The following CCDC85A variants were observed in gnomAD, a reference collection of about 807,000 sequenced individuals.
CCDC85A encodes the protein coiled-coil domain containing 85A, also known as coiled-coil domain-containing protein 85A.
Under a neutral mutation model 50.2 loss-of-function variants are expected in CCDC85A, and 38 were observed. The ratio of observed to expected loss-of-function variants is 0.76; its 90% CI spans 0.58 to 0.99. The LOEUF (loss-of-function observed/expected upper bound fraction) is 0.99. Ranked by LOEUF, CCDC85A falls within the 50% of genes least tolerant of loss-of-function variation. The pLI, the probability that CCDC85A is intolerant of heterozygous loss-of-function variation, is 0.00. For missense variants in CCDC85A, 820 were observed against 742.0 expected (o/e 1.11, Z -1.22); for synonymous variants, 366 against 301.4 (o/e 1.21, Z -2.22).
intron 1 of CCDC85A, among the ~76,000 whole-genome samples, chr2:56,187,202 T>C (rs1270740722): frequency 6.6e-6 from 1 of 152,012 alleles, no homozygotes; most frequent in Admixed American, 6.5e-5. Flanking sequence ...TTTTTTTTTG[T>C]TAAGGGCGTG....
chr2:56,292,381 C>A (rs1004802311), intron 2 of CCDC85A, among the ~76,000 whole-genome samples: 2 of 152,174 alleles, frequency 1.3e-5, no homozygotes, highest in Admixed American at 6.5e-5. Flanking sequence ...CCACATCCGG[C>A]CTGAGTTGCA....
intron 2 of CCDC85A, among the ~76,000 whole-genome samples, chr2:56,279,421 C>T (rs1339245730): frequency 6.6e-6 from 1 of 152,072 alleles, no homozygotes; most frequent in Non-Finnish European, 1.5e-5. Flanking sequence ...CCTTATTTCT[C>T]CCCCTCCCAC....
chr2:56,365,279 T>G (rs1184244969), intron 3 of CCDC85A, among the ~76,000 whole-genome samples: 1 of 152,216 alleles, frequency 6.6e-6, no homozygotes, highest in Non-Finnish European at 1.5e-5. Context: ...ATTACTTTCA[T>G]TTGTTTATTA....
chr2:56,217,889 T>A (rs1282543056), intron 2 of CCDC85A, among the ~76,000 whole-genome samples: 2 of 151,862 alleles, frequency 1.3e-5, no homozygotes, highest in African/African-American at 4.8e-5. Context: ...TATCTCTTTC[T>A]TAATTAGGTT....
At chr2:56,282,976 A>G (rs1671272850) in intron 2 of CCDC85A, among the ~76,000 whole-genome samples, 1 of 152,212 alleles carries the variant, frequency 6.6e-6, no homozygotes, top group Non-Finnish European at 1.5e-5. Flanking sequence ...GTATATAGAA[A>G]TACACAGTTG....
At chr2:56,292,088 G>GT (rs1322972691) in intron 2 of CCDC85A, among the ~76,000 whole-genome samples, 4 of 152,076 alleles carry the variant, frequency 2.6e-5, no homozygotes, top group African/African-American at 7.2e-5. Context: ...TTTTCTTTTC[G>GT]TTTTTTCTTT....
intron 1 of CCDC85A, among the ~76,000 whole-genome samples, chr2:56,191,662 G>A (rs1573001137): frequency 6.6e-6 from 1 of 152,196 alleles, no homozygotes. Flanking sequence ...CAGAAAGAGG[G>A]GGCATTTGCT....
chr2:56,316,274 A>G (rs945451747), intron 2 of CCDC85A, among the ~76,000 whole-genome samples: 1 of 152,130 alleles, frequency 6.6e-6, no homozygotes, highest in African/African-American at 2.4e-5. Flanking sequence ...CAGTTGGCTT[A>G]TATAATTCTC....
chr2:56,375,740 A>G, intron 4 of CCDC85A, 76 bp from the exon 5 acceptor site: 1 of 1,467,228 alleles, frequency 6.8e-7, no homozygotes. Context: ...TGGTAGTGAA[A>G]TTGAATATTG....
At chr2:56,314,344 A>G (rs768198936) in intron 2 of CCDC85A, among the ~76,000 whole-genome samples, 32 of 151,846 alleles carry the variant, frequency 2.1e-4, no homozygotes, top group Non-Finnish European at 4.1e-4. Flanking sequence ...TAAGCCTGCA[A>G]TCTTTAGGAA....
chr2:56,262,576 C>CAGTG (rs1670265399), intron 2 of CCDC85A, among the ~76,000 whole-genome samples: 1 of 152,102 alleles, frequency 6.6e-6, no homozygotes, highest in South Asian at 2.1e-4. Context: ...TGCTCATGAC[C>CAGTG]AGTGGTAGCC....
chr2:56,282,586 C>T (rs1241847755), intron 2 of CCDC85A, among the ~76,000 whole-genome samples: 12 of 152,074 alleles, frequency 7.9e-5, no homozygotes, highest in African/African-American at 2.2e-4. Context: ...CTCGGCTCAC[C>T]GCAACCTCCG....
chr2:56,338,184 A>G (rs1158598754), intron 2 of CCDC85A, among the ~76,000 whole-genome samples: 1 of 152,194 alleles, frequency 6.6e-6, no homozygotes, highest in Non-Finnish European at 1.5e-5. Context: ...AAAGCCAAAA[A>G]TGGCATTCTG....
rs1676771265 is a variant in CCDC85A, at chr2:56,385,217, A to G, written c.*862A>G. The G allele has an allele frequency of 6.6e-6, 1 of 152,274 alleles. No homozygotes were observed. The highest frequency in any genetic ancestry group is 2.4e-5 in the African/African-American group (1 of 41,416). 9.4% of individuals were successfully genotyped at this position (152,274 alleles called of 1,614,324 possible). On this transcript the variant is annotated 3_prime_UTR_variant, in exon 6 of 6. Coordinates refer to ENST00000407595, the MANE Select transcript of CCDC85A (RefSeq NM_001080433.2). Reference sequence around the variant, plus strand: ...GAGCTGTGAGATGTCAATTTCTACAATTTAGTTTCTAGACATGCTGTATAT... The same window carrying G: ...GAGCTGTGAGATGTCAATTTCTACAGTTTAGTTTCTAGACATGCTGTATAT...
intron 2 of CCDC85A, among the ~76,000 whole-genome samples, chr2:56,207,408 AACAAAGCTGACTTT>A (rs898260078): frequency 6.6e-6 from 1 of 152,170 alleles, no homozygotes; most frequent in African/African-American, 2.4e-5. Flanking sequence ...CTCTTAATTG[AACAAAGCTGACTTT>A]ACAAAGCTGA....
intron 2 of CCDC85A, among the ~76,000 whole-genome samples, chr2:56,276,682 G>T (rs977158309): frequency 6.6e-6 from 1 of 152,120 alleles, no homozygotes; most frequent in Non-Finnish European, 1.5e-5. Flanking sequence ...TTTGTAAATT[G>T]CCCAGTCTCT....
At chr2:56,292,107 G>T (rs1671739522) in intron 2 of CCDC85A, among the ~76,000 whole-genome samples, 1 of 152,050 alleles carries the variant, frequency 6.6e-6, no homozygotes, top group South Asian at 2.1e-4. Context: ...TTTTGAGACG[G>T]AGTCTTGCTC....
At chr2:56,309,868 C>A (rs1199676859) in intron 2 of CCDC85A, among the ~76,000 whole-genome samples, 1 of 152,092 alleles carries the variant, frequency 6.6e-6, no homozygotes, top group Admixed American at 6.6e-5. Flanking sequence ...ATGTCAGCTT[C>A]ATGTACAGAC....
chr2:56,361,654 G>A (rs1268726354), intron 3 of CCDC85A, among the ~76,000 whole-genome samples: 1 of 152,162 alleles, frequency 6.6e-6, no homozygotes, highest in Admixed American at 6.5e-5. Context: ...ATTTCAGAAA[G>A]AGGAACAATG....
Sources: gnomAD v4.1 joint callset for allele counts (sites outside exome capture counted in the v4.1 genomes callset) on GRCh38, gnomAD v4.1.1 for gene constraint, MANE v1.5 for transcripts, NCBI Gene and HGNC (gene_info 2026-07-23, HGNC 2026-07-21) for gene names.